The following BRD8 variants were observed in gnomAD, a reference collection of about 807,000 sequenced individuals.
BRD8 encodes bromodomain containing 8.
BRD8 carries 67 observed loss-of-function variants against 143.1 expected under a neutral mutation model. That is an observed-to-expected ratio of 0.47 (90% CI 0.38 to 0.57). The LOEUF (loss-of-function observed/expected upper bound fraction) is 0.57, where lower values mean the gene tolerates loss of function less well. Among genes scored for constraint, BRD8 ranks in the 20% least tolerant of loss-of-function variants. The pLI, the probability that BRD8 is intolerant of heterozygous loss-of-function variation, is 0.00. For synonymous variants in BRD8, 505 were observed against 517.1 expected (o/e 0.98, Z 0.32); for missense variants, 1,103 against 1,503.0 (o/e 0.73, Z 4.40).
chr5:138,149,777 G>C lies in BRD8; in HGVS notation c.3141C>G (p.Ser1047=). The C allele has an allele frequency of 1.9e-6, 3 of 1,606,868 alleles. No individual in the cohort carries two copies. Among genetic ancestry groups the C allele is most frequent in the Non-Finnish European group, 2.5e-6 (3 of 1,177,992 alleles). ...ESEEGEAQQE[S]KGEDQGEVYV... ...ATACTTCACCCTGGTCCTCCCCTTTGGATTCTTGCTGAGCCTCCCCCTAGG... is the reference window on the plus strand; with the variant it reads ...ATACTTCACCCTGGTCCTCCCCTTTCGATTCTTGCTGAGCCTCCCCCTAGG... Residue 1047 remains serine, a synonymous_variant, in exon 23 of 27, where the codon TCC becomes TCG. Transcript: ENST00000254900.
At position 138,165,172 on chromosome 5, in the gene BRD8, C is replaced by T. The variant is rs1753299905; in HGVS notation, c.1279-6G>A. On this transcript the variant is annotated splice_region_variant and splice_polypyrimidine_tract_variant and intron_variant, in intron 11 of 26. Transcript: ENST00000254900. ...ACTTCAGGATGATCATCTACCTGTC[C>T]CACAAAACACAAGACTATTGAGGTC... 1.9e-6 allele frequency: 3 copies of T among 1,612,526 alleles called. No individual in the cohort carries two copies. The highest frequency in any genetic ancestry group is 2.5e-6 in the Non-Finnish European group (3 of 1,179,534).
At chr5:138,176,220 TA>T (rs1162470247) in intron 2 of BRD8, among the ~76,000 whole-genome samples, 1 of 151,510 alleles carries the variant, frequency 6.6e-6, no homozygotes, top group Non-Finnish European at 1.5e-5. Context: ...GTCAAGTGAT[TA>T]AAAAAAACAA....
chr5:138,163,736 C>G, intron 14 of BRD8: 1 of 872,060 alleles, frequency 1.1e-6, no homozygotes, highest in Non-Finnish European at 1.6e-6. Flanking sequence ...GTTACTGCTG[C>G]TTTAATAATT....
chr5:138,167,693 C>G (rs1753548876), intron 9 of BRD8: 4 of 440,686 alleles, frequency 9.1e-6, no homozygotes, highest in Non-Finnish European at 1.7e-5. Context: ...CCTAAGAAAG[C>G]AGTTCAATAT....
At chr5:138,146,763 T>C (rs1366914347) in intron 23 of BRD8, among the ~76,000 whole-genome samples, 1 of 151,060 alleles carries the variant, frequency 6.6e-6, no homozygotes, top group African/African-American at 2.4e-5. Context: ...GGTCAGGAGA[T>C]TGAGACCATC....
At chr5:138,156,941 T>TA (rs1375349707) in intron 20 of BRD8, 18 of 1,259,106 alleles carry the variant, frequency 1.4e-5, no homozygotes, top group Non-Finnish European at 1.7e-5. Context: ...TTGTTTTTTT[T>TA]AAAAAGTCTG....
chr5:138,145,230 A>G lies in BRD8; in HGVS notation c.3384T>C (p.Phe1128=). 1 of 1,614,016 alleles carries G rather than the reference A, an allele frequency of 6.2e-7. No individual in the cohort carries two copies. Among genetic ancestry groups the G allele is most frequent in the Non-Finnish European group, 8.5e-7 (1 of 1,179,990 alleles). The part of the protein sequence containing the change: ...MIASHRFSSP[F]LKPVSERQAP... ...CCTGCCTTTCTGACACAGGCTTCAGAAATGGACTGCTGAACCTGTTAAGGG... is the reference window on the plus strand; with the variant it reads ...CCTGCCTTTCTGACACAGGCTTCAGGAATGGACTGCTGAACCTGTTAAGGG... Residue 1128 remains phenylalanine (F), a synonymous_variant, in exon 25 of 27, where the codon TTT becomes TTC. Coordinates refer to ENST00000254900, the MANE Select transcript of BRD8 (RefSeq NM_139199.2).
rs992307442 is a variant in BRD8, at chr5:138,171,306, C to T, written c.236+55G>A. ...TAACTAAGTATAAACCAGAATTCCT[C>T]AGTAAATACTCTCCACTAAAGAAAT... On this transcript the variant is annotated intron_variant, in intron 4 of 26. Transcript: ENST00000254900. The T allele has an allele frequency of 6.2e-6, 9 of 1,460,064 alleles. No individual in the cohort carries two copies. The South Asian group carries it at 9.3e-5, about 15-fold the overall frequency. The allele number at this position is 1,460,064 out of a possible 1,614,324, so 90.4% of individuals were successfully genotyped here.
rs201117767 is a variant in BRD8, at chr5:138,163,195, G to A, written c.2022C>T (p.His674=). The A allele has an allele frequency of 6.2e-7, 1 of 1,614,098 alleles. No homozygotes were observed. The highest frequency in any genetic ancestry group is 8.5e-7 in the Non-Finnish European group (1 of 1,180,028). ...GTGTGTGTGACTGCAGTGTAGCATT[G>A]TGTATGCTGAAGCCATCATCACTCT... ...VSESDDGFSI[H]NATLQSHTLA... is the part of the protein sequence containing the mutation. The change falls in exon 15 of 27, where the codon CAC becomes CAT. Residue 674 remains histidine, a synonymous_variant. Transcript: ENST00000254900.
chr5:138,140,975 T>A, intron 25 of BRD8, 93 bp from the exon 26 acceptor site: 2 of 1,317,372 alleles, frequency 1.5e-6, no homozygotes, highest in East Asian at 2.3e-5. Flanking sequence ...AACCAGTTCT[T>A]AATGAAAACA....
chr5:138,160,191 A>G lies in BRD8; in HGVS notation c.2428-18T>C. ...AAGAATTGCTGTAGGGAGAAGAAACAGGGTAGGCCATGGAGACCTGATTTA... is the reference window on the plus strand; with the variant it reads ...AAGAATTGCTGTAGGGAGAAGAAACGGGGTAGGCCATGGAGACCTGATTTA... On this transcript the variant is annotated intron_variant, in intron 18 of 26. Transcript: ENST00000254900. 7 of 1,592,670 alleles carry G rather than the reference A, an allele frequency of 4.4e-6. No homozygotes were observed. The highest frequency in any genetic ancestry group is 6.0e-6 in the Non-Finnish European group (7 of 1,160,380).
chr5:138,156,814 C>A (rs1752623868), intron 20 of BRD8: 1 of 946,488 alleles, frequency 1.1e-6, no homozygotes, highest in Non-Finnish European at 1.2e-6. Flanking sequence ...GCAGAAGAAA[C>A]AAGTTTCAAA....
intron 15 of BRD8, 80 bp downstream of exon 15, chr5:138,163,050 C>CGGG: frequency 8.6e-6 from 1 of 116,662 alleles, no homozygotes; most frequent in Non-Finnish European, 1.5e-5. Context: ...AGAGAAAAGA[C>CGGG]AGGAAGGAAG....
rs1752418529 is a variant in BRD8, at chr5:138,152,620, A to G, written c.2718T>C (p.Asp906=). The G allele has an allele frequency of 6.2e-7, 1 of 1,613,956 alleles. No homozygotes were observed. The highest frequency in any genetic ancestry group is 1.3e-5 in the African/African-American group (1 of 74,880). Residue 906 remains aspartate (D), a synonymous_variant, in exon 21 of 27, where the codon GAT becomes GAC. Coordinates refer to ENST00000254900, the MANE Select transcript of BRD8 (RefSeq NM_139199.2). ...LDVGNWRETE[D]PEAEELEESS... is the part of the protein sequence containing the mutation. ...TTTCCTCTAGTTCCTCAGCCTCTGG[A>G]TCCTCAGTTTCCCTCCAGTTGCCCA...
At chr5:138,175,176 G>A (rs933381752) in intron 2 of BRD8, among the ~76,000 whole-genome samples, 2 of 152,076 alleles carry the variant, frequency 1.3e-5, no homozygotes, top group Admixed American at 6.5e-5. Context: ...GAGCCACTGC[G>A]CCCGGCCTTA....
At chr5:138,146,513 G>A (rs981418230) in intron 23 of BRD8, among the ~76,000 whole-genome samples, 22 of 151,318 alleles carry the variant, frequency 1.5e-4, no homozygotes, top group African/African-American at 4.4e-4. Flanking sequence ...ATGCCACCAC[G>A]CCCTGCAGCT....
Position 138,168,575 on chromosome 5 carries a change from A to G in BRD8, c.643-497T>C, listed in dbSNP as rs754214149. 2.5e-6 allele frequency: 4 copies of G among 1,609,236 alleles called. No homozygotes were observed. The South Asian group carries it at 3.3e-5, about 13-fold the overall frequency. The stretch of plus-strand genomic sequence containing the variant: ...GTCCAAGCATCTTTTTCTGGGGTGA[A>G]TCATCTGTTACTGGGGTCATGGGGG... On this transcript the variant is annotated intron_variant, in intron 8 of 26. Coordinates refer to ENST00000254900, the MANE Select transcript of BRD8 (RefSeq NM_139199.2).
In BRD8 at chr5:138,169,222, C is replaced by G. The variant is rs1287449735; in HGVS notation, c.642G>C (p.Gly214=). The stretch of plus-strand genomic sequence containing the variant: ...TTCCCACAGATGGAAATATACTCAC[C>G]CCAGAGGTAGCCTCTTCCATAGTGG... The part of the protein sequence containing the change: ...TPTTMEEATS[G]VNESEMAVAS... The change falls in exon 8 of 27, where the codon GGG becomes GGC. Residue 214 remains glycine, a splice_region_variant and synonymous_variant. Transcript: ENST00000254900. 1.2e-6 allele frequency: 2 copies of G among 1,613,554 alleles called. No individual in the cohort carries two copies. Among genetic ancestry groups the G allele is most frequent in the South Asian group, 1.1e-5 (1 of 91,048 alleles).
chr5:138,165,196 T>C, intron 11 of BRD8, 30 bp from the exon 12 acceptor site: 5 of 1,598,392 alleles, frequency 3.1e-6, no homozygotes, highest in Non-Finnish European at 4.3e-6. Flanking sequence ...ACTATTGAGG[T>C]CACAGAAAGA....
Sources: allele counts gnomAD v4.1 joint callset (sites outside exome capture counted in the v4.1 genomes callset), GRCh38; gene constraint gnomAD v4.1.1; transcripts MANE v1.5; gene names NCBI Gene and HGNC (gene_info 2026-07-23, HGNC 2026-07-21).